The following PTPN14 variants were observed in gnomAD, a reference collection of about 807,000 sequenced individuals.
The protein encoded by PTPN14 is tyrosine-protein phosphatase non-receptor type 14.
Under a neutral mutation model 126.8 loss-of-function variants are expected in PTPN14, and 53 were observed. The observed-to-expected ratio is 0.42, with a 90% CI of 0.34 to 0.53. The LOEUF (loss-of-function observed/expected upper bound fraction) is 0.53. Ranked by LOEUF, PTPN14 falls within the 20% of genes least tolerant of loss-of-function variation. The pLI is 0.08. For synonymous variants in PTPN14, 630 were observed against 599.3 expected (o/e 1.05, Z -0.75); for missense variants, 1,257 against 1,552.9 (o/e 0.81, Z 3.20).
At chr1:214,362,995 G>A (rs1285829114) in intron 18 of PTPN14, among the ~76,000 whole-genome samples, 2 of 152,192 alleles carry the variant, frequency 1.3e-5, no homozygotes, top group Non-Finnish European at 2.9e-5. Flanking sequence ...CCTAGCAATG[G>A]ATGGATTGAG....
chr1:214,359,239 A>G (rs1395115945), intron 18 of PTPN14, among the ~76,000 whole-genome samples: 1 of 145,034 alleles, frequency 6.9e-6, no homozygotes, highest in Admixed American at 6.9e-5. Context: ...TTTGAGACGG[A>G]GTCTCACTCT....
chr1:214,359,769 C>T (rs1385591884), intron 18 of PTPN14, among the ~76,000 whole-genome samples: 1 of 152,144 alleles, frequency 6.6e-6, no homozygotes, highest in Non-Finnish European at 1.5e-5. Flanking sequence ...AATCCTCCAG[C>T]CTTGGCCTCT....
intron 1 of PTPN14, among the ~76,000 whole-genome samples, chr1:214,534,577 G>T (rs1244956372): frequency 6.6e-6 from 1 of 152,056 alleles, no homozygotes; most frequent in Non-Finnish European, 1.5e-5. Flanking sequence ...GCCGGGCATG[G>T]TGGTGGGTGC....
At chr1:214,459,390 C>T (rs1212152332) in intron 2 of PTPN14, among the ~76,000 whole-genome samples, 4 of 151,400 alleles carry the variant, frequency 2.6e-5, no homozygotes, top group African/African-American at 9.7e-5. Flanking sequence ...TGACTTCAGG[C>T]GATCTGCCCG....
chr1:214,457,281 G>A (rs1028215526), intron 2 of PTPN14, among the ~76,000 whole-genome samples: 9 of 152,174 alleles, frequency 5.9e-5, no homozygotes, highest in Non-Finnish European at 1.3e-4. Flanking sequence ...TAAATTAGAG[G>A]ATAAGGACTT....
intron 2 of PTPN14, among the ~76,000 whole-genome samples, chr1:214,461,387 C>CT (rs1479017039): frequency 6.6e-6 from 1 of 152,158 alleles, no homozygotes; most frequent in Non-Finnish European, 1.5e-5. Context: ...AATCCCAGCA[C>CT]TTTGGGAGGC....
chr1:214,399,884 A>C (rs1018879391), intron 7 of PTPN14, among the ~76,000 whole-genome samples: 1 of 152,028 alleles, frequency 6.6e-6, no homozygotes, highest in Admixed American at 6.6e-5. Context: ...TCACATTTTA[A>C]ATTTCAGAGT....
intron 1 of PTPN14, among the ~76,000 whole-genome samples, chr1:214,502,122 A>G (rs1654718531): frequency 1.3e-5 from 2 of 152,034 alleles, no homozygotes; most frequent in Admixed American, 1.3e-4. Flanking sequence ...TGATTGACAT[A>G]CAAAAAGTTG....
chr1:214,393,601 G>T, intron 10 of PTPN14, 94 bp downstream of exon 10: 1 of 1,013,812 alleles, frequency 9.9e-7, no homozygotes, highest in Non-Finnish European at 1.5e-6. Context: ...CAAGGAAAAA[G>T]AGTGAATAGG....
chr1:214,365,506 T>G (rs984586172), intron 17 of PTPN14, among the ~76,000 whole-genome samples: 5 of 152,148 alleles, frequency 3.3e-5, no homozygotes, highest in African/African-American at 9.7e-5. Flanking sequence ...AATTAATAAT[T>G]TAGATTTTGT....
intron 7 of PTPN14, 46 bp from the exon 8 acceptor site, chr1:214,398,047 G>A (rs781467762): frequency 7.0e-7 from 1 of 1,428,638 alleles, no homozygotes; most frequent in South Asian, 1.2e-5. Flanking sequence ...CATGTTCACT[G>A]CAACATTATT....
intron 3 of PTPN14, among the ~76,000 whole-genome samples, chr1:214,450,873 GA>G (rs1360300402): frequency 6.6e-6 from 1 of 152,136 alleles, no homozygotes; most frequent in Non-Finnish European, 1.5e-5. Context: ...GATGAGAGGG[GA>G]AAACATCATT....
At chr1:214,388,356 G>A (rs1041626070) in intron 11 of PTPN14, among the ~76,000 whole-genome samples, 2 of 151,726 alleles carry the variant, frequency 1.3e-5, no homozygotes, top group African/African-American at 2.4e-5. Flanking sequence ...CCCTCAAAAC[G>A]CTTACGTTTG....
At chr1:214,451,355 A>T (rs1249383513) in intron 3 of PTPN14, among the ~76,000 whole-genome samples, 1 of 152,022 alleles carries the variant, frequency 6.6e-6, no homozygotes, top group Non-Finnish European at 1.5e-5. Flanking sequence ...TTTTGTAGAG[A>T]CAGGGTCTTG....
At position 214,405,556 on chromosome 1, in the gene PTPN14, T is replaced by A. The variant is rs535170491; in HGVS notation, c.511-2603A>T. ...AAAAGTTTAATTACACAGAGCTGAT[T>A]AACAATCACTTGTACCTTCTGCCTG... On this transcript the variant is annotated intron_variant, in intron 5 of 18. Transcript: ENST00000366956. Among the ~76,000 whole-genome samples the A allele has an allele frequency of 1.6e-4, 24 of 151,780 alleles. No homozygotes were observed. In the South Asian group the frequency reaches 4.8e-3, roughly 30 times the overall value.
intron 1 of PTPN14, among the ~76,000 whole-genome samples, chr1:214,483,952 A>T (rs1467952141): frequency 3.3e-5 from 5 of 152,266 alleles, no homozygotes; most frequent in African/African-American, 1.2e-4. Flanking sequence ...AGTTCTCACC[A>T]GAGAAAGACC....
At chr1:214,399,325 A>G (rs555960400) in intron 7 of PTPN14, among the ~76,000 whole-genome samples, 32 of 152,284 alleles carry the variant, frequency 2.1e-4, no homozygotes, top group African/African-American at 7.5e-4. Context: ...AGAGAGATAG[A>G]TATTTTTTTC....
intron 1 of PTPN14, among the ~76,000 whole-genome samples, chr1:214,485,586 T>G (rs1661091490): frequency 6.6e-6 from 1 of 152,184 alleles, no homozygotes; most frequent in South Asian, 2.1e-4. Flanking sequence ...AAAGTACAAC[T>G]GACCTAGACT....
chr1:214,521,887 TTTG>T (rs1018311067), intron 1 of PTPN14, among the ~76,000 whole-genome samples: 5 of 149,390 alleles, frequency 3.3e-5, no homozygotes, highest in African/African-American at 1.2e-4. Context: ...TCATAAGATT[TTTG>T]TTGTTTTTTT....
Sources: gnomAD v4.1 joint callset for allele counts (sites outside exome capture counted in the v4.1 genomes callset) on GRCh38, gnomAD v4.1.1 for gene constraint, MANE v1.5 for transcripts, NCBI Gene and HGNC (gene_info 2026-07-23, HGNC 2026-07-21) for gene names.